Variants in CHRDL1 observed in about 807,000 individuals in gnomAD.
The protein encoded by CHRDL1 is chordin like 1, also known as chordin-like protein 1.
In CHRDL1, 19 loss-of-function variants were observed where a neutral mutation model predicts 40.9. That is an observed-to-expected ratio of 0.46 (90% CI 0.32 to 0.68). The LOEUF (loss-of-function observed/expected upper bound fraction) is 0.68, where lower values mean the gene tolerates loss of function less well. Ranked by LOEUF, CHRDL1 falls within the 30% of genes least tolerant of loss-of-function variation. The probability of loss-of-function intolerance (pLI) is 0.03; values close to 1 mark genes in which losing one functional copy is unlikely to be tolerated. For missense variants in CHRDL1, 329 were observed against 352.1 expected (o/e 0.93, Z 0.53); for synonymous variants, 136 against 123.4 (o/e 1.10, Z -0.68).
At chrX:110,762,475 C>T (rs1028642155) in intron 3 of CHRDL1, among the ~76,000 whole-genome samples, 20 of 111,429 alleles carry the variant, frequency 1.8e-4, no homozygotes, top group Non-Finnish European at 2.3e-4. Flanking sequence ...TGGGGTTTTG[C>T]CATGTTACCC....
At chrX:110,759,281 G>A (rs1052470666) in intron 4 of CHRDL1, among the ~76,000 whole-genome samples, 4 of 111,832 alleles carry the variant, frequency 3.6e-5, no homozygotes, top group Non-Finnish European at 5.6e-5. Context: ...AGCTATGCTC[G>A]GATGCAATTC....
At chrX:110,787,289 C>T (rs1443978108) in intron 2 of CHRDL1, among the ~76,000 whole-genome samples, 5 of 111,202 alleles carry the variant, frequency 4.5e-5, no homozygotes, top group Non-Finnish European at 9.4e-5. Flanking sequence ...AAAACGAAAG[C>T]TGGAGAGGTT....
intron 2 of CHRDL1, among the ~76,000 whole-genome samples, chrX:110,784,867 A>C (rs2089994652): frequency 9.0e-6 from 1 of 111,650 alleles, no homozygotes; most frequent in African/African-American, 3.3e-5. Flanking sequence ...CATTAGCATA[A>C]ATAACTGGGA....
chrX:110,762,698 T>G lies in CHRDL1; in HGVS notation c.204A>C (p.Ser68=). 5 of 1,117,209 alleles carry G rather than the reference T, an allele frequency of 4.5e-6. No homozygotes were observed. The highest frequency in any genetic ancestry group is 6.2e-6 in the Non-Finnish European group (5 of 812,917). The allele number at this position is 1,117,209 out of a possible 1,213,427, so 92.1% of individuals were successfully genotyped here. Residue 68 remains serine, a synonymous_variant, in exon 3 of 12, where the codon TCA becomes TCC. Transcript: ENST00000372042. ...CACATGTCATGAGAGATTGTACCTCTGAGCAGATGCAGTTCACGCAGTAAA... is the reference window on the plus strand; with the variant it reads ...CACATGTCATGAGAGATTGTACCTCGGAGCAGATGCAGTTCACGCAGTAAA... ...GLVYCVNCIC[S]ENGNVLCSRV... is the part of the protein sequence containing the mutation.
rs12688415 is a variant in CHRDL1 at position 110,694,315 on chromosome X, C to T, written c.626G>A (p.Arg209His). 2,488 of 1,202,666 alleles carry T rather than the reference C, an allele frequency of 2.1e-3. 21 individuals are homozygous for T. In the African/African-American group the frequency reaches 0.029, roughly 14 times the overall value. Residue 209 changes from arginine (R) to histidine (H), a missense_variant, in exon 8 of 12, where the codon CGC becomes CAC. Transcript: ENST00000372042. The part of the protein sequence containing the change: ...ANREARHSYH[R>H]SHYDPPPSRQ... ...GCTTGGTGGAGGATCATAGTGAGAG[C>T]GGTGGTAAGAATGTCTCTGTAAAAT...
At chrX:110,789,278 C>T (rs1254633809) in intron 2 of CHRDL1, among the ~76,000 whole-genome samples, 8 of 111,320 alleles carry the variant, frequency 7.2e-5, no homozygotes, top group Non-Finnish European at 1.5e-4. Context: ...CCCCAAAATA[C>T]AAAGATTGAT....
At chrX:110,744,319 A>G (rs2071411283) in intron 4 of CHRDL1, among the ~76,000 whole-genome samples, 1 of 109,323 alleles carries the variant, frequency 9.1e-6, no homozygotes, top group East Asian at 2.8e-4. Flanking sequence ...GATCTTATGT[A>G]TCCTGTCCTT....
intron 4 of CHRDL1, among the ~76,000 whole-genome samples, chrX:110,739,390 A>C (rs764308546): frequency 2.7e-5 from 3 of 112,243 alleles, no homozygotes; most frequent in African/African-American, 9.7e-5. Flanking sequence ...AATGAGTTCC[A>C]GTCAATTGAA....
In CHRDL1 at chrX:110,719,895, G is replaced by C; in HGVS notation, c.481C>G (p.Pro161Ala). 2 of 1,203,043 alleles carry C rather than the reference G, an allele frequency of 1.7e-6. No homozygotes were observed. The highest frequency in any genetic ancestry group is 2.3e-6 in the Non-Finnish European group (2 of 888,544). The change falls in exon 6 of 12, where the codon CCC becomes GCC. Residue 161 changes from proline (P) to alanine (A), a missense_variant. By Grantham distance (27) the Pro-to-Ala change is conservative. Coordinates refer to ENST00000372042, the MANE Select transcript of CHRDL1 (RefSeq NM_001143981.2). ...GNVYCGLKTC[P>A]KLTCAFPVSV... ...ACTGGGAAGGCACAGGTTAATTTGG[G>C]GCAAGTCTTGAGACCACAATACACG...
chrX:110,723,167 C>T (rs923419314), intron 4 of CHRDL1, among the ~76,000 whole-genome samples: 1 of 110,862 alleles, frequency 9.0e-6, no homozygotes, highest in African/African-American at 3.3e-5. Flanking sequence ...AGGAGAATGG[C>T]GTGAACTCGG....
chrX:110,714,190 T>C (rs980970349), intron 6 of CHRDL1, among the ~76,000 whole-genome samples: 4 of 111,398 alleles, frequency 3.6e-5, no homozygotes, highest in Non-Finnish European at 7.5e-5. Flanking sequence ...AAGACCCCAG[T>C]GTCTGTTACT....
intron 4 of CHRDL1, among the ~76,000 whole-genome samples, chrX:110,753,422 G>GTAA (rs1192190099): frequency 8.9e-6 from 1 of 112,076 alleles, no homozygotes; most frequent in African/African-American, 3.2e-5. Flanking sequence ...GAGTGACTGT[G>GTAA]TAATAGGTTT....
chrX:110,733,280 G>C (rs1424931303), intron 4 of CHRDL1, among the ~76,000 whole-genome samples: 1 of 111,150 alleles, frequency 9.0e-6, no homozygotes. Context: ...CCACAGCATG[G>C]CCCAGCCAGG....
At chrX:110,755,327 T>C (rs1204637557) in intron 4 of CHRDL1, among the ~76,000 whole-genome samples, 1 of 112,013 alleles carries the variant, frequency 8.9e-6, no homozygotes, top group African/African-American at 3.2e-5. Flanking sequence ...TGGGAATCAG[T>C]ATAGATTTCT....
chrX:110,755,226 G>A (rs1049037201), intron 4 of CHRDL1, among the ~76,000 whole-genome samples: 7 of 110,856 alleles, frequency 6.3e-5, no homozygotes, highest in South Asian at 3.8e-4. Flanking sequence ...AGCCTCTTTG[G>A]GCCCAGTAGA....
chrX:110,715,263 G>T (rs934052305), intron 6 of CHRDL1, among the ~76,000 whole-genome samples: 1 of 111,657 alleles, frequency 9.0e-6, no homozygotes, highest in African/African-American at 3.3e-5. Flanking sequence ...TCCAGGATCT[G>T]TTACCACAAG....
At chrX:110,719,370 T>G (rs1284647607) in intron 6 of CHRDL1, among the ~76,000 whole-genome samples, 1 of 112,055 alleles carries the variant, frequency 8.9e-6, no homozygotes. Context: ...TGTTTTGCTT[T>G]TATTGAGTTT....
intron 6 of CHRDL1, among the ~76,000 whole-genome samples, chrX:110,713,802 T>A (rs897921769): frequency 1.8e-5 from 2 of 112,530 alleles, no homozygotes; most frequent in Non-Finnish European, 3.8e-5. Context: ...GTCTGGCACA[T>A]TGTACGTGCT....
intron 6 of CHRDL1, 129 bp downstream of exon 6, chrX:110,719,706 C>T (rs2148463542): frequency 3.0e-6 from 1 of 329,920 alleles, no homozygotes; most frequent in East Asian, 4.6e-5. Flanking sequence ...TTAATTAAAC[C>T]ACCTTTAAAA....
Sources: allele counts gnomAD v4.1 joint callset (sites outside exome capture counted in the v4.1 genomes callset), GRCh38; gene constraint gnomAD v4.1.1; transcripts MANE v1.5; gene names NCBI Gene and HGNC (gene_info 2026-07-23, HGNC 2026-07-21).